BANK1: variants seen among roughly 807,000 people sequenced by gnomAD.
BANK1 encodes the protein B cell scaffold protein with ankyrin repeats 1.
Under a neutral mutation model 94.5 loss-of-function variants are expected in BANK1, and 95 were observed. The ratio of observed to expected loss-of-function variants is 1.00; its 90% CI spans 0.85 to 1.19. The LOEUF is 1.19. Ranked by LOEUF, BANK1 falls within the 50% of genes most tolerant of loss-of-function variation. The pLI is 0.00. For missense variants in BANK1, 987 were observed against 932.2 expected (o/e 1.06, Z -0.77); for synonymous variants, 334 against 308.4 (o/e 1.08, Z -0.87).
At chr4:101,818,129 A>C (rs1454690639) in intron 1 of BANK1, among the ~76,000 whole-genome samples, 1 of 152,214 alleles carries the variant, frequency 6.6e-6, no homozygotes, top group East Asian at 1.9e-4. Flanking sequence ...TATATACTGT[A>C]TGGCATATAG....
At position 102,020,279 on chromosome 4, in the gene BANK1, G is replaced by T. The variant is rs559344456; in HGVS notation, c.1207-1235G>T. 2.6e-5 allele frequency among the ~76,000 whole-genome samples: 4 copies of T among 152,110 alleles called. No individual in the cohort carries two copies. In the East Asian group the frequency reaches 7.7e-4, roughly 29 times the overall value. On this transcript the variant is annotated intron_variant, in intron 7 of 16. Transcript: ENST00000322953. ...ATAGGTGAAGCTAATTGGAAACAAA[G>T]ATTAGCTATATTAAACAATGATTTT... is the stretch of plus-strand genomic sequence containing the variant.
chr4:101,899,902 G>A lies in BANK1; in HGVS notation c.1009+4492G>A, dbSNP rs144307259. ...GCCTCAGGATGCAATCTAACACTGC[G>A]AAGCATAGGCAATGTGCTATCCTGA... On this transcript the variant is annotated intron_variant, in intron 6 of 16. Transcript: ENST00000322953. Among the ~76,000 whole-genome samples the A allele has an allele frequency of 2.0e-3, 309 of 152,276 alleles. 2 individuals are homozygous for A. Among genetic ancestry groups the A allele is most frequent in the African/African-American group, 6.7e-3 (279 of 41,568 alleles).
intron 2 of BANK1, among the ~76,000 whole-genome samples, chr4:101,847,736 T>TACACACACACACACACACACACAC (rs35196238): frequency 7.1e-4 from 104 of 145,872 alleles, no homozygotes; most frequent in African/African-American, 2.4e-3. Context: ...TATTCCATCA[T>TACACACACACACACACACACACAC]ACACACACAC....
chr4:102,008,703 G>A (rs1222650351), intron 7 of BANK1, among the ~76,000 whole-genome samples: 2 of 152,090 alleles, frequency 1.3e-5, no homozygotes, highest in Admixed American at 6.5e-5. Context: ...TTTCTTACTT[G>A]TAACATTTTC....
Position 101,937,935 on chromosome 4 carries a change from T to C in BANK1, c.1206+19746T>C, listed in dbSNP as rs1383856748. On this transcript the variant is annotated intron_variant, in intron 7 of 16. Transcript: ENST00000322953. ...TAAAAAAGGATGAGTTCATGTCCTTTGCAGGGACATGGATGAAGCTGGAAA... is the reference window on the plus strand; with the variant it reads ...TAAAAAAGGATGAGTTCATGTCCTTCGCAGGGACATGGATGAAGCTGGAAA... Among the ~76,000 whole-genome samples the C allele has an allele frequency of 2.0e-5, 3 of 151,920 alleles. No homozygotes were observed. In the East Asian group the frequency reaches 5.8e-4, roughly 30 times the overall value.
chr4:101,833,143 C>G (rs1022616591), intron 2 of BANK1, among the ~76,000 whole-genome samples: 1 of 151,998 alleles, frequency 6.6e-6, no homozygotes, highest in African/African-American at 2.4e-5. Flanking sequence ...CCATACCCGG[C>G]TAATTTTGTA....
At chr4:101,935,530 G>T (rs1292935958) in intron 7 of BANK1, among the ~76,000 whole-genome samples, 1 of 151,518 alleles carries the variant, frequency 6.6e-6, no homozygotes, top group Non-Finnish European at 1.5e-5. Flanking sequence ...AGAATTTCTT[G>T]AAAGTGGGGG....
chr4:101,810,306 TA>T (rs1202423642), intron 1 of BANK1, among the ~76,000 whole-genome samples: 4 of 152,250 alleles, frequency 2.6e-5, no homozygotes, highest in Non-Finnish European at 5.9e-5. Flanking sequence ...TGTGTTGCTT[TA>T]AACCCACTAA....
intron 7 of BANK1, among the ~76,000 whole-genome samples, chr4:101,928,098 A>T (rs949249300): frequency 1.3e-5 from 2 of 151,656 alleles, no homozygotes; most frequent in Non-Finnish European, 1.5e-5. Flanking sequence ...AAAATTAGTT[A>T]TCATAATAAT....
intron 6 of BANK1, among the ~76,000 whole-genome samples, chr4:101,906,468 C>A (rs1418885663): frequency 1.3e-5 from 2 of 152,136 alleles, no homozygotes; most frequent in Non-Finnish European, 2.9e-5. Context: ...CTGGGGCAAC[C>A]ACTTTTTGCC....
At chr4:102,030,828 C>A (rs890576953) in intron 10 of BANK1, among the ~76,000 whole-genome samples, 1 of 152,084 alleles carries the variant, frequency 6.6e-6, no homozygotes, top group Admixed American at 6.5e-5. Context: ...TTTTCTTTAT[C>A]CAGTCTACTA....
At chr4:101,814,331 C>T (rs1305384997) in intron 1 of BANK1, among the ~76,000 whole-genome samples, 1 of 152,130 alleles carries the variant, frequency 6.6e-6, no homozygotes, top group Non-Finnish European at 1.5e-5. Context: ...CTGTTTGGGT[C>T]ATTGCTCTCA....
intron 7 of BANK1, among the ~76,000 whole-genome samples, chr4:102,009,337 G>A (rs990844922): frequency 1.3e-5 from 2 of 152,318 alleles, no homozygotes; most frequent in Non-Finnish European, 2.9e-5. Flanking sequence ...TCCCAACTGA[G>A]CATGGCCTAT....
chr4:101,848,114 A>C (rs1013916578), intron 2 of BANK1, among the ~76,000 whole-genome samples: 6 of 152,166 alleles, frequency 3.9e-5, no homozygotes, highest in African/African-American at 1.4e-4. Flanking sequence ...CTTCTCCCGC[A>C]AACAGATCTT....
chr4:101,998,846 T>C (rs180896141), intron 7 of BANK1, among the ~76,000 whole-genome samples: 28 of 152,256 alleles, frequency 1.8e-4, no homozygotes, highest in Non-Finnish European at 3.4e-4. Flanking sequence ...TATTGGCCCT[T>C]GATTATTAGT....
chr4:101,900,859 A>G (rs1441007431), intron 6 of BANK1, among the ~76,000 whole-genome samples: 1 of 152,162 alleles, frequency 6.6e-6, no homozygotes, highest in Non-Finnish European at 1.5e-5. Context: ...CATAGCCTGA[A>G]TGAGATTATT....
chr4:101,993,278 C>T (rs1281457982), intron 7 of BANK1, among the ~76,000 whole-genome samples: 1 of 152,098 alleles, frequency 6.6e-6, no homozygotes, highest in Non-Finnish European at 1.5e-5. Context: ...AGTTGTACAT[C>T]GTTTTCTCAT....
At chr4:101,908,884 G>A (rs1468644735) in intron 6 of BANK1, among the ~76,000 whole-genome samples, 3 of 152,146 alleles carry the variant, frequency 2.0e-5, no homozygotes, top group Non-Finnish European at 2.9e-5. Context: ...TTAGAATGGT[G>A]ATCATTAAAA....
intron 5 of BANK1, among the ~76,000 whole-genome samples, chr4:101,882,678 A>C (rs1262220100): frequency 6.6e-6 from 1 of 152,334 alleles, no homozygotes; most frequent in East Asian, 1.9e-4. Context: ...CTTAGGGCTA[A>C]AGGAATGTCC....
Sources: allele counts gnomAD v4.1 joint callset (sites outside exome capture counted in the v4.1 genomes callset), GRCh38; gene constraint gnomAD v4.1.1; transcripts MANE v1.5; gene names NCBI Gene and HGNC (gene_info 2026-07-23, HGNC 2026-07-21).